Variants in ZFHX3 observed in about 807,000 individuals in gnomAD.
The protein encoded by ZFHX3 is zinc finger homeobox 3, also known as zinc finger homeobox protein 3.
ZFHX3 carries 42 observed loss-of-function variants against 279.1 expected under a neutral mutation model. That is an observed-to-expected ratio of 0.15 (90% confidence interval 0.12 to 0.19). The LOEUF (loss-of-function observed/expected upper bound fraction) is 0.19. ZFHX3 is among the 10% of genes least tolerant of loss of function. The pLI is 1.00. For synonymous variants in ZFHX3, 2,293 were observed against 1,957.8 expected (o/e 1.17, Z -4.52); for missense variants, 4,981 against 4,754.0 (o/e 1.05, Z -1.40).
intron 2 of ZFHX3, among the ~76,000 whole-genome samples, chr16:73,527,826 T>C (rs1433018312): frequency 6.6e-6 from 1 of 152,186 alleles, no homozygotes; most frequent in African/African-American, 2.4e-5. Context: ...GGATCCTCCC[T>C]ACCCAAGCCT....
At position 73,532,094 on chromosome 16, in the gene ZFHX3, A is replaced by G. The variant is rs1482733437; in HGVS notation, c.-1546-75836T>C. 3.3e-5 allele frequency among the ~76,000 whole-genome samples: 5 copies of G among 151,732 alleles called. No homozygotes were observed. The East Asian group carries it at 9.7e-4, about 29-fold the overall frequency. On this transcript the variant is annotated intron_variant, in intron 2 of 17. Transcript: ENST00000641206. ...CAGAGTGAGACCCTGTCTCTAAAAA[A>G]GATTAAAAAAAAAAACAAAGACAGA... is the stretch of plus-strand genomic sequence containing the variant.
intron 2 of ZFHX3, among the ~76,000 whole-genome samples, chr16:73,516,346 T>C (rs896143119): frequency 1.5e-4 from 23 of 152,182 alleles, no homozygotes; most frequent in Admixed American, 9.2e-4. Context: ...TGTGTGTGCA[T>C]GCATACACGT....
chr16:72,987,058 G>A (rs896039152), intron 1 of ZFHX3, among the ~76,000 whole-genome samples: 1 of 152,144 alleles, frequency 6.6e-6, no homozygotes, highest in African/African-American at 2.4e-5. Flanking sequence ...AGACTGAGGT[G>A]GGAGAATCAC....
At chr16:73,269,639 G>GGT (rs2144978235) in intron 4 of ZFHX3, among the ~76,000 whole-genome samples, 1 of 152,152 alleles carries the variant, frequency 6.6e-6, no homozygotes, top group East Asian at 1.9e-4. Context: ...TCTTTGTTTG[G>GGT]GTATATGTTT....
At chr16:73,782,333 G>T (rs989220269) in intron 1 of ZFHX3, among the ~76,000 whole-genome samples, 1 of 152,212 alleles carries the variant, frequency 6.6e-6, no homozygotes, top group Admixed American at 6.5e-5. Context: ...ACGCTTTGGA[G>T]AATCTGTCAA....
At chr16:73,864,685 A>G (rs1961966996) in intron 1 of ZFHX3, among the ~76,000 whole-genome samples, 1 of 152,122 alleles carries the variant, frequency 6.6e-6, no homozygotes, top group Non-Finnish European at 1.5e-5. Flanking sequence ...GCCCCACTGC[A>G]CTCCCACCCA....
At chr16:72,819,963 C>T (rs2036738926) in intron 5 of ZFHX3, among the ~76,000 whole-genome samples, 1 of 152,226 alleles carries the variant, frequency 6.6e-6, no homozygotes, top group African/African-American at 2.4e-5. Context: ...TACCTGTGGG[C>T]TCCTTCCACC....
chr16:73,170,223 G>GTTTATTTTTTTTTTTTTT (rs1967487430), intron 5 of ZFHX3, among the ~76,000 whole-genome samples: 1 of 57,718 alleles, frequency 1.7e-5, no homozygotes, highest in Non-Finnish European at 2.9e-5. Context: ...CCTTTCACTA[G>GTTTATTTTTTTTTTTTTT]TTTTTTTTTT....
chr16:73,382,144 A>C (rs530438720), intron 3 of ZFHX3, among the ~76,000 whole-genome samples: 1 of 152,362 alleles, frequency 6.6e-6, no homozygotes, highest in African/African-American at 2.4e-5. Context: ...CAGATGGAGC[A>C]AGGACTTAAA....
rs186096600 is a variant in ZFHX3, at chr16:73,582,000, G to A, written c.-1547+98180C>T. 9.3e-4 allele frequency among the ~76,000 whole-genome samples: 142 copies of A among 151,904 alleles called. 1 individual carries two copies. The highest frequency in any genetic ancestry group is 2.9e-4 in the Non-Finnish European group (20 of 67,998). ...TAGAACATATTTTCTATTCAAAATC[G>A]TGAACTGGGTAGGTATACATGCTTC... On this transcript the variant is annotated intron_variant, in intron 2 of 17. Transcript: ENST00000641206.
intron 5 of ZFHX3, among the ~76,000 whole-genome samples, chr16:73,211,530 T>C (rs2012016882): frequency 6.6e-6 from 1 of 152,128 alleles, no homozygotes. Context: ...GAAATATACC[T>C]GTATCACTAA....
intron 5 of ZFHX3, among the ~76,000 whole-genome samples, chr16:72,820,872 T>A (rs1476925298): frequency 6.6e-6 from 1 of 152,160 alleles, no homozygotes; most frequent in African/African-American, 2.4e-5. Context: ...ACCAGTCGCA[T>A]GCGAGTCATT....
intron 1 of ZFHX3, among the ~76,000 whole-genome samples, chr16:73,761,164 A>C (rs538701914): frequency 2.0e-5 from 3 of 152,236 alleles, no homozygotes; most frequent in African/African-American, 7.2e-5. Context: ...ATGTGCAAAA[A>C]TCATAAGCAT....
At chr16:73,232,414 A>T (rs2012806016) in intron 5 of ZFHX3, 1 of 152,192 alleles carries the variant, frequency 6.6e-6, no homozygotes, top group Admixed American at 6.5e-5. Context: ...GGCGAGAGGG[A>T]CCCAGCTCTT....
chr16:72,816,460 C>T (rs945943268), intron 5 of ZFHX3, among the ~76,000 whole-genome samples: 13 of 152,166 alleles, frequency 8.5e-5, no homozygotes, highest in Admixed American at 3.3e-4. Flanking sequence ...ATTGTGACAA[C>T]GAAATGCTGG....
chr16:73,463,287 A>G (rs2018504208), intron 2 of ZFHX3, among the ~76,000 whole-genome samples: 1 of 152,198 alleles, frequency 6.6e-6, no homozygotes, highest in Non-Finnish European at 1.5e-5. Context: ...TTGTCCCCTC[A>G]ACTTTACAGA....
intron 1 of ZFHX3, among the ~76,000 whole-genome samples, chr16:73,706,278 T>C (rs868319934): frequency 6.6e-6 from 1 of 152,006 alleles, no homozygotes; most frequent in African/African-American, 2.4e-5. Flanking sequence ...CTGGCCAACA[T>C]GGTGAAACCC....
intron 4 of ZFHX3, among the ~76,000 whole-genome samples, chr16:73,291,675 C>A (rs369621379): frequency 1.3e-5 from 2 of 152,170 alleles, no homozygotes; most frequent in African/African-American, 4.8e-5. Flanking sequence ...AGGTGTATTG[C>A]CCCTGAAGGA....
chr16:73,672,129 C>A (rs190144567), intron 2 of ZFHX3, among the ~76,000 whole-genome samples: 130 of 152,172 alleles, frequency 8.5e-4, no homozygotes, highest in African/African-American at 3.1e-3. Flanking sequence ...GTATATAAGA[C>A]AGATTCAGAT....
Sources: allele counts gnomAD v4.1 joint callset (sites outside exome capture counted in the v4.1 genomes callset), GRCh38; gene constraint gnomAD v4.1.1; transcripts MANE v1.5; gene names NCBI Gene and HGNC (gene_info 2026-07-23, HGNC 2026-07-21).